The following NAALADL2 variants were observed in gnomAD, a reference collection of about 807,000 sequenced individuals.
NAALADL2 encodes the protein inactive N-acetylated-alpha-linked acidic dipeptidase-like protein 2.
In NAALADL2, 76 loss-of-function variants were observed where a neutral mutation model predicts 87.2. That is an observed-to-expected ratio of 0.87 (90% CI 0.72 to 1.05). The LOEUF (loss-of-function observed/expected upper bound fraction) is 1.05. NAALADL2 is among the 50% of genes least tolerant of loss of function. NAALADL2 has a pLI of 0.00. For synonymous variants in NAALADL2, 354 were observed against 331.0 expected (o/e 1.07, Z -0.75); for missense variants, 1,089 against 945.8 (o/e 1.15, Z -1.99).
chr3:175,643,875 G>T (rs1931173), intron 11 of NAALADL2, among the ~76,000 whole-genome samples: 40,709 of 152,032 alleles, frequency 0.27, 6,323 homozygotes, highest in African/African-American at 0.44. Flanking sequence ...TGATAGATAA[G>T]CTAAGTGGAT....
chr3:175,787,198 TAC>T (rs1254936940), intron 13 of NAALADL2, among the ~76,000 whole-genome samples: 2 of 152,306 alleles, frequency 1.3e-5, no homozygotes, highest in East Asian at 3.9e-4. Context: ...AGGTGGAGCC[TAC>T]AGAGGCAGGC....
intron 6 of NAALADL2, among the ~76,000 whole-genome samples, chr3:175,460,783 C>T (rs1722997089): frequency 6.6e-6 from 1 of 152,072 alleles, no homozygotes; most frequent in Non-Finnish European, 1.5e-5. Flanking sequence ...CTATAGCATC[C>T]ACACTGGGAC....
rs187425731 is a variant in NAALADL2, at chr3:174,889,894, T to C, written c.43+30444T>C. Among the ~76,000 whole-genome samples, 457 of 152,306 alleles carry C rather than the reference T, an allele frequency of 3.0e-3. 1 individual carries two copies. The highest frequency in any genetic ancestry group is 4.8e-3 in the Non-Finnish European group (328 of 68,014). On this transcript the variant is annotated intron_variant, in intron 1 of 13. Coordinates refer to ENST00000454872, the MANE Select transcript of NAALADL2 (RefSeq NM_207015.3). ...AACTGTGAAATAAGTTTCTTTTCAG[T>C]TTATGGTAAATAAAAAAGCAAGTTT...
chr3:175,176,737 G>A (rs1384417928), intron 2 of NAALADL2, among the ~76,000 whole-genome samples: 1 of 151,934 alleles, frequency 6.6e-6, no homozygotes, highest in Non-Finnish European at 1.5e-5. Flanking sequence ...CTTTGAGGAT[G>A]GAGTAAGGGG....
intron 1 of NAALADL2, among the ~76,000 whole-genome samples, chr3:175,013,201 A>AAT (rs1156245272): frequency 5.4e-5 from 4 of 74,756 alleles, no homozygotes; most frequent in Non-Finnish European, 1.4e-4. Context: ...TATATACATA[A>AAT]ATATATAATA....
intron 4 of NAALADL2, among the ~76,000 whole-genome samples, chr3:175,312,165 A>G (rs1356018687): frequency 6.6e-6 from 1 of 152,194 alleles, no homozygotes; most frequent in African/African-American, 2.4e-5. Flanking sequence ...TAATAGAAAA[A>G]CCATCTGAAA....
intron 2 of NAALADL2, among the ~76,000 whole-genome samples, chr3:174,639,496 T>G (rs1165763114): frequency 6.6e-6 from 1 of 152,192 alleles, no homozygotes; most frequent in Non-Finnish European, 1.5e-5. Context: ...CAGTAGTAAT[T>G]ACATCGCTGC....
In NAALADL2 at chr3:174,831,277, G is replaced by A. The variant is rs1434420690; in HGVS notation, c.-9+93531G>A. ...GATAGCTCTTATTATTTTGAAATAC[G>A]TCCCATCAATACCTAATTTATTGAG... On this transcript the variant is annotated intron_variant, in intron 3 of 3. Coordinates refer to the NAALADL2 transcript ENST00000434257. Among the ~76,000 whole-genome samples, 1,198 of 148,808 alleles carry A rather than the reference G, an allele frequency of 8.1e-3. 23 individuals are homozygous for A. The highest frequency in any genetic ancestry group is 0.029 in the African/African-American group (1,132 of 39,214).
intron 9 of NAALADL2, among the ~76,000 whole-genome samples, chr3:175,542,755 TA>T (rs1332573246): frequency 2.0e-5 from 3 of 152,220 alleles, no homozygotes; most frequent in Non-Finnish European, 4.4e-5. Context: ...TAAGTGGACC[TA>T]CACAGTTTAA....
At chr3:175,020,129 A>G (rs1751383738) in intron 1 of NAALADL2, among the ~76,000 whole-genome samples, 1 of 152,098 alleles carries the variant, frequency 6.6e-6, no homozygotes, top group Non-Finnish European at 1.5e-5. Context: ...TTTAGTGTTC[A>G]GGGACCTCTT....
intron 2 of NAALADL2, among the ~76,000 whole-genome samples, chr3:175,211,992 A>AT (rs145140321): frequency 0.029 from 4,411 of 152,102 alleles, 107 homozygotes; most frequent in Non-Finnish European, 0.045. Flanking sequence ...AAAATATCGT[A>AT]TTTTTTTGTC....
In NAALADL2 at chr3:175,807,067, T is replaced by A. The variant is rs560878442; in HGVS notation, c.*3864T>A. 3.3e-5 allele frequency: 5 copies of A among 151,854 alleles called. No homozygotes were observed. In the Admixed American group the frequency reaches 3.3e-4, roughly 10 times the overall value. 9.4% of individuals were successfully genotyped at this position (151,854 alleles called of 1,614,324 possible). On this transcript the variant is annotated 3_prime_UTR_variant, in exon 14 of 14. Transcript: ENST00000454872. ...AGTTTGAAGATATCTATAAGAGCAT[T>A]AAAAGGCAAGTGCACCATTGTGGAA...
At chr3:174,590,735 A>G (rs1400481755) in intron 2 of NAALADL2, among the ~76,000 whole-genome samples, 1 of 152,152 alleles carries the variant, frequency 6.6e-6, no homozygotes, top group Admixed American at 6.5e-5. Context: ...AATCAGTAAA[A>G]CAGGCACAGT....
rs192768333 is a variant in NAALADL2 at position 175,016,823 on chromosome 3, T to C, written c.44-79967T>C. Among the ~76,000 whole-genome samples, 5 of 152,140 alleles carry C rather than the reference T, an allele frequency of 3.3e-5. No homozygotes were observed. The East Asian group carries it at 9.6e-4, about 29-fold the overall frequency. On this transcript the variant is annotated intron_variant, in intron 1 of 13. Transcript: ENST00000454872. ...ATAATAAATGCACCTACTTTCAGGG[T>C]ACATGGTGATATTTTGGCACATTCA...
chr3:174,759,607 C>T (rs1400752234), intron 3 of NAALADL2, among the ~76,000 whole-genome samples: 2 of 152,054 alleles, frequency 1.3e-5, no homozygotes, highest in African/African-American at 2.4e-5. Flanking sequence ...TATTTATCTT[C>T]AATGAATAGA....
intron 1 of NAALADL2, among the ~76,000 whole-genome samples, chr3:174,536,967 C>T (rs11708530): frequency 0.04 from 6,146 of 152,122 alleles, 169 homozygotes; most frequent in Non-Finnish European, 0.054. Flanking sequence ...TAAGACATGG[C>T]AAAGTTCTTC....
intron 2 of NAALADL2, among the ~76,000 whole-genome samples, chr3:174,585,267 G>A (rs1716578303): frequency 6.6e-6 from 1 of 152,104 alleles, no homozygotes; most frequent in Admixed American, 6.6e-5. Context: ...ACTGCATTGG[G>A]CTGTATTGTA....
chr3:175,340,438 T>C (rs1762452553), intron 5 of NAALADL2, among the ~76,000 whole-genome samples: 2 of 152,124 alleles, frequency 1.3e-5, no homozygotes, highest in Admixed American at 1.3e-4. Context: ...AGCTGACAGA[T>C]GGGATAGGAG....
intron 2 of NAALADL2, among the ~76,000 whole-genome samples, chr3:174,722,351 T>C (rs1196216685): frequency 6.6e-6 from 1 of 152,220 alleles, no homozygotes; most frequent in Non-Finnish European, 1.5e-5. Context: ...AACTTGAACT[T>C]TTTAAAATAA....
Sources: allele counts gnomAD v4.1 joint callset (sites outside exome capture counted in the v4.1 genomes callset), GRCh38; gene constraint gnomAD v4.1.1; transcripts MANE v1.5; gene names NCBI Gene and HGNC (gene_info 2026-07-23, HGNC 2026-07-21).